CDH22: variants seen among roughly 807,000 people sequenced by gnomAD.
CDH22 encodes cadherin 22.
A neutral mutation model predicts 58.4 loss-of-function variants in CDH22; 30 were observed. The ratio of observed to expected loss-of-function variants is 0.51; its 90% CI spans 0.38 to 0.70. The LOEUF (loss-of-function observed/expected upper bound fraction) is 0.70. Ranked by LOEUF, CDH22 falls within the 30% of genes least tolerant of loss-of-function variation. The probability of loss-of-function intolerance (pLI) is 0.00; values close to 1 mark genes in which losing one functional copy is unlikely to be tolerated. For synonymous variants in CDH22, 513 were observed against 558.2 expected, an observed-to-expected ratio of 0.92 and a Z score of 1.14; for missense variants, 1,014 against 1,233.9, an observed-to-expected ratio of 0.82 and a Z score of 2.67.
chr20:46,217,877 A>G (rs957568386), intron 4 of CDH22, among the ~76,000 whole-genome samples: 1 of 152,146 alleles, frequency 6.6e-6, no homozygotes, highest in African/African-American at 2.4e-5. Context: ...ACACACTGTA[A>G]CACATACACA....
At chr20:46,256,529 A>G (rs1237613634) in intron 1 of CDH22, among the ~76,000 whole-genome samples, 1 of 152,180 alleles carries the variant, frequency 6.6e-6, no homozygotes, top group Non-Finnish European at 1.5e-5. Flanking sequence ...AAGGAGGAAC[A>G]TCGGGGGTCT....
Position 46,251,285 on chromosome 20 carries a change from T to C in CDH22, c.10A>G (p.Arg4Gly), listed in dbSNP as rs2086372045. The C allele has an allele frequency of 5.5e-6, 8 of 1,458,124 alleles. No individual in the cohort carries two copies. Among genetic ancestry groups the C allele is most frequent in the Non-Finnish European group, 6.3e-6 (7 of 1,112,418 alleles). The allele number at this position is 1,458,124 out of a possible 1,614,324, so 90.3% of individuals were successfully genotyped here. ...GCCCGGAGCCCCCTACCTTCGGGCC[T>C]CGGCCTCATCCTTGGCCTGCGCGGG... is the stretch of plus-strand genomic sequence containing the variant. MRP[R>G]PEGRGLRAGV... The change falls in exon 2 of 12, where the codon AGG becomes GGG. Residue 4 changes from arginine to glycine, a missense_variant. Around this residue, in one of 2 missense-constraint regions of CDH22, gnomAD observed 806 missense variants for 1,038.7 expected, o/e 0.78. Coordinates refer to ENST00000537909, the MANE Select transcript of CDH22 (RefSeq NM_021248.3). The surrounding 1 kb of genome is among the most constrained non-coding windows in gnomAD (Gnocchi z 6.7).
intron 1 of CDH22, among the ~76,000 whole-genome samples, chr20:46,287,655 G>A (rs1049973852): frequency 1.4e-4 from 22 of 151,904 alleles, no homozygotes; most frequent in South Asian, 6.2e-4. Context: ...AGGCCACACC[G>A]TGCAGGATCT....
chr20:46,215,378 A>C (rs1286596860), intron 5 of CDH22, among the ~76,000 whole-genome samples: 1 of 152,264 alleles, frequency 6.6e-6, no homozygotes, highest in Non-Finnish European at 1.5e-5. Context: ...GGTAAAAAGC[A>C]AGACAAAAAC....
intron 7 of CDH22, among the ~76,000 whole-genome samples, chr20:46,201,110 G>A (rs2085958139): frequency 6.6e-6 from 1 of 152,240 alleles, no homozygotes; most frequent in Non-Finnish European, 1.5e-5. Context: ...GGCCTCGCCA[G>A]CTCCGGCCTC....
At chr20:46,236,858 AT>A (rs2086257118) in intron 3 of CDH22, among the ~76,000 whole-genome samples, 1 of 151,462 alleles carries the variant, frequency 6.6e-6, no homozygotes. Context: ...TACCTGGCTA[AT>A]TTTTTTCGTA....
intron 10 of CDH22, among the ~76,000 whole-genome samples, chr20:46,184,974 T>C (rs968532325): frequency 3.9e-5 from 6 of 152,140 alleles, no homozygotes; most frequent in African/African-American, 1.4e-4. Context: ...TAACCCCAGC[T>C]ACTCTGAAGG....
At chr20:46,253,267 C>A (rs1185173278) in intron 1 of CDH22, among the ~76,000 whole-genome samples, 1 of 152,094 alleles carries the variant, frequency 6.6e-6, no homozygotes, top group Non-Finnish European at 1.5e-5. Flanking sequence ...TTCCCCAGTG[C>A]TTTTTTTTCT....
intron 1 of CDH22, among the ~76,000 whole-genome samples, chr20:46,287,553 TG>T (rs1369948809): frequency 6.6e-6 from 1 of 151,764 alleles, no homozygotes; most frequent in Non-Finnish European, 1.5e-5. Flanking sequence ...GGATGGATTT[TG>T]CCAAGCTGAG....
At chr20:46,294,643 T>A (rs2086620630) in intron 1 of CDH22, among the ~76,000 whole-genome samples, 1 of 152,214 alleles carries the variant, frequency 6.6e-6, no homozygotes, top group African/African-American at 2.4e-5. Flanking sequence ...AAGTTCCAAC[T>A]GTGCCCCAGT....
intron 1 of CDH22, among the ~76,000 whole-genome samples, chr20:46,265,233 C>T (rs1183020695): frequency 2.6e-5 from 4 of 152,170 alleles, no homozygotes; most frequent in Non-Finnish European, 2.9e-5. Flanking sequence ...GGGGCAGGGC[C>T]CTGCCATGGT....
chr20:46,297,441 G>A (rs1257871112), intron 1 of CDH22, among the ~76,000 whole-genome samples: 3 of 151,858 alleles, frequency 2.0e-5, no homozygotes, highest in East Asian at 1.9e-4. Context: ...GGGGGGCTCC[G>A]TGGAGGGTTA....
chr20:46,185,267 C>T (rs1347426993), intron 10 of CDH22, among the ~76,000 whole-genome samples: 2 of 152,098 alleles, frequency 1.3e-5, no homozygotes, highest in Non-Finnish European at 2.9e-5. Flanking sequence ...CTGGTGACTG[C>T]CCCCTTCCCT....
chr20:46,224,204 C>G (rs548455299), intron 4 of CDH22, among the ~76,000 whole-genome samples: 1 of 152,158 alleles, frequency 6.6e-6, no homozygotes, highest in Non-Finnish European at 1.5e-5. Context: ...TCCTCACACT[C>G]GTCACTGCTT....
chr20:46,304,597 T>C (rs1287838881), intron 1 of CDH22, among the ~76,000 whole-genome samples: 1 of 152,174 alleles, frequency 6.6e-6, no homozygotes, highest in Non-Finnish European at 1.5e-5. Flanking sequence ...AAGCAAGAAG[T>C]TCCCAGCCTA....
At chr20:46,244,124 C>G (rs1342891433) in intron 2 of CDH22, among the ~76,000 whole-genome samples, 1 of 152,198 alleles carries the variant, frequency 6.6e-6, no homozygotes, top group African/African-American at 2.4e-5. Context: ...TGTTTCCTTC[C>G]CTTTCCATCT....
chr20:46,247,457 C>A (rs1025765414), intron 2 of CDH22, among the ~76,000 whole-genome samples: 3 of 152,070 alleles, frequency 2.0e-5, no homozygotes. Context: ...TGTGTACAGA[C>A]GTTTTTCTTG....
intron 3 of CDH22, among the ~76,000 whole-genome samples, chr20:46,232,839 C>T (rs1418855984): frequency 6.6e-6 from 1 of 152,182 alleles, no homozygotes; most frequent in East Asian, 1.9e-4. Context: ...TGCTTCTAGC[C>T]TCCCAGCCAG....
chr20:46,290,528 C>A (rs966924978), intron 1 of CDH22, among the ~76,000 whole-genome samples: 4 of 152,192 alleles, frequency 2.6e-5, no homozygotes, highest in Non-Finnish European at 5.9e-5. Flanking sequence ...CAAGGCTAAT[C>A]CAAGTGGGCC....
Sources: gnomAD v4.1 joint callset for allele counts (sites outside exome capture counted in the v4.1 genomes callset) on GRCh38, gnomAD v4.1.1 for gene constraint, gnomAD v4.1.1 regional missense constraint, Gnocchi (gnomAD v3.1) non-coding constraint, MANE v1.5 for transcripts, NCBI Gene and HGNC (gene_info 2026-07-23, HGNC 2026-07-21) for gene names.